Variants in KIAA1958 observed in about 807,000 individuals in gnomAD.
KIAA1958 encodes uncharacterized protein KIAA1958.
In KIAA1958, 14 loss-of-function variants were observed where a neutral mutation model predicts 47.2. The observed-to-expected ratio is 0.30, with a 90% confidence interval of 0.20 to 0.46. KIAA1958 has a LOEUF of 0.46. KIAA1958 is among the 20% of genes least tolerant of loss of function. The pLI is 1.00. For synonymous variants in KIAA1958, 354 were observed against 353.3 expected (o/e 1.00, Z -0.02); for missense variants, 803 against 909.2 (o/e 0.88, Z 1.50).
intron 1 of KIAA1958, among the ~76,000 whole-genome samples, chr9:112,569,770 G>A (rs1028783990): frequency 2.6e-5 from 4 of 151,882 alleles, no homozygotes; most frequent in Non-Finnish European, 5.9e-5. Context: ...ACAGGTGTGC[G>A]CCTCCATGCC....
chr9:112,549,130 T>G (rs548338074), intron 1 of KIAA1958, among the ~76,000 whole-genome samples: 13 of 152,348 alleles, frequency 8.5e-5, no homozygotes, highest in Admixed American at 2.6e-4. Flanking sequence ...TCTGGATGAC[T>G]AGATTATATA....
At chr9:112,560,344 G>A (rs1195617091) in intron 1 of KIAA1958, among the ~76,000 whole-genome samples, 1 of 151,818 alleles carries the variant, frequency 6.6e-6, no homozygotes, top group Non-Finnish European at 1.5e-5. Context: ...AGGACTACAG[G>A]TTCATGCCAC....
intron 1 of KIAA1958, among the ~76,000 whole-genome samples, chr9:112,513,487 C>T (rs1188155045): frequency 8.3e-4 from 1 of 1,204 alleles, no homozygotes; most frequent in Non-Finnish European, 1.5e-3. Flanking sequence ...GGTCGGTGGC[C>T]GCGGCTGGTG....
intron 2 of KIAA1958, among the ~76,000 whole-genome samples, chr9:112,637,206 G>A (rs886579884): frequency 5.3e-5 from 8 of 152,020 alleles, no homozygotes; most frequent in East Asian, 1.9e-4. Flanking sequence ...CAGCTTATTC[G>A]TTGAGAATCA....
chr9:112,576,632 A>G (rs943041376), intron 2 of KIAA1958, among the ~76,000 whole-genome samples: 2 of 151,978 alleles, frequency 1.3e-5, no homozygotes, highest in Non-Finnish European at 2.9e-5. Context: ...ACCCTCTTAC[A>G]CTTAGCATTA....
intron 1 of KIAA1958, among the ~76,000 whole-genome samples, chr9:112,566,192 C>T (rs1362127951): frequency 2.6e-5 from 4 of 152,014 alleles, no homozygotes; most frequent in East Asian, 1.9e-4. Flanking sequence ...CATGAGCCAC[C>T]GTGCCTAGCC....
At chr9:112,508,294 A>T (rs1289291281) in intron 1 of KIAA1958, among the ~76,000 whole-genome samples, 4 of 152,248 alleles carry the variant, frequency 2.6e-5, no homozygotes, top group African/African-American at 9.6e-5. Flanking sequence ...ACTAGTATGC[A>T]TCTAGTTAAA....
In KIAA1958 at chr9:112,618,834, C is replaced by A; in HGVS notation, c.1172-26816C>A. 3 of 1,550,546 alleles carry A rather than the reference C, an allele frequency of 1.9e-6. No individual in the cohort carries two copies. Among genetic ancestry groups the A allele is most frequent in the Non-Finnish European group, 2.6e-6 (3 of 1,146,916 alleles). Reference sequence around the variant, plus strand: ...ATCTGTAACAATCTGAGCCAGCAGGCTGCCCAGTCAGTGGCCGGCCACTCC... The same window carrying A: ...ATCTGTAACAATCTGAGCCAGCAGGATGCCCAGTCAGTGGCCGGCCACTCC... On this transcript the variant is annotated intron_variant, in intron 2 of 3. Coordinates refer to ENST00000337530, the MANE Select transcript of KIAA1958 (RefSeq NM_133465.4). The surrounding 1 kb of genome is among the most constrained non-coding windows in gnomAD (Gnocchi z 7.1).
At chr9:112,539,547 A>T (rs1834906324) in intron 1 of KIAA1958, among the ~76,000 whole-genome samples, 1 of 152,182 alleles carries the variant, frequency 6.6e-6, no homozygotes, top group Admixed American at 6.5e-5. Context: ...AATTAGGTAT[A>T]AATGCTAATG....
At chr9:112,595,551 C>T (rs1221643378) in intron 2 of KIAA1958, among the ~76,000 whole-genome samples, 1 of 151,672 alleles carries the variant, frequency 6.6e-6, no homozygotes, top group Admixed American at 6.6e-5. Flanking sequence ...ACCCCAGCTA[C>T]TGGGGTGGGG....
At chr9:112,582,648 G>C (rs1163859271) in intron 2 of KIAA1958, 1 of 152,766 alleles carries the variant, frequency 6.5e-6, no homozygotes, top group Non-Finnish European at 1.5e-5. Context: ...ATCCTTTAGA[G>C]GATCAGATAG....
chr9:112,618,825 G>T lies in KIAA1958; in HGVS notation c.1172-26825G>T. 1 of 1,550,572 alleles carries T rather than the reference G, an allele frequency of 6.4e-7. No individual in the cohort carries two copies. The highest frequency in any genetic ancestry group is 8.7e-7 in the Non-Finnish European group (1 of 1,146,948). ...CTCGTGCTGATCTGTAACAATCTGA[G>T]CCAGCAGGCTGCCCAGTCAGTGGCC... On this transcript the variant is annotated intron_variant, in intron 2 of 3. Coordinates refer to ENST00000337530, the MANE Select transcript of KIAA1958 (RefSeq NM_133465.4). The surrounding 1 kb of genome is among the most constrained non-coding windows in gnomAD (Gnocchi z 7.1).
At chr9:112,631,534 GAAA>G (rs57805823) in intron 2 of KIAA1958, among the ~76,000 whole-genome samples, 1,733 of 98,306 alleles carry the variant, frequency 0.018, 27 homozygotes, top group African/African-American at 0.058. Flanking sequence ...CTCTCTCAAA[GAAA>G]AAAAAAAAAA....
intron 2 of KIAA1958, among the ~76,000 whole-genome samples, chr9:112,601,241 T>G (rs1015489227): frequency 2.0e-5 from 3 of 152,234 alleles, no homozygotes; most frequent in African/African-American, 7.2e-5. Context: ...CTCATTATTT[T>G]GTCTAATAAT....
chr9:112,583,646 G>A (rs1835772154), intron 2 of KIAA1958, among the ~76,000 whole-genome samples: 1 of 152,190 alleles, frequency 6.6e-6, no homozygotes. Flanking sequence ...TCAGCCAGAT[G>A]TACATTTATT....
At chr9:112,622,217 G>GGAGAT (rs1449285196) in intron 2 of KIAA1958, among the ~76,000 whole-genome samples, 7 of 152,212 alleles carry the variant, frequency 4.6e-5, no homozygotes, top group Admixed American at 1.3e-4. Flanking sequence ...CAACAGTCCA[G>GGAGAT]GAGATGTTCA....
chr9:112,657,148 T>A (rs1319819687), intron 3 of KIAA1958, among the ~76,000 whole-genome samples: 3 of 152,134 alleles, frequency 2.0e-5, no homozygotes, highest in Non-Finnish European at 4.4e-5. Context: ...CAGGCTGGAG[T>A]GCAGTGGCAT....
At chr9:112,592,220 T>C (rs1177647285) in intron 2 of KIAA1958, among the ~76,000 whole-genome samples, 1 of 152,156 alleles carries the variant, frequency 6.6e-6, no homozygotes, top group Non-Finnish European at 1.5e-5. Flanking sequence ...AGACAAAGAA[T>C]TGAACATACT....
chr9:112,614,935 A>C (rs1222574490), intron 2 of KIAA1958, among the ~76,000 whole-genome samples: 4 of 152,232 alleles, frequency 2.6e-5, no homozygotes, highest in Non-Finnish European at 4.4e-5. Context: ...TGTCTTCACC[A>C]GTTCCACTAA....
Sources: allele counts gnomAD v4.1 joint callset (sites outside exome capture counted in the v4.1 genomes callset), GRCh38; gene constraint gnomAD v4.1.1; non-coding constraint Gnocchi (gnomAD v3.1); transcripts MANE v1.5; gene names NCBI Gene and HGNC (gene_info 2026-07-23, HGNC 2026-07-21).